POU2AF1: variants seen among roughly 807,000 people sequenced by gnomAD.
POU2AF1 encodes the protein POU class 2 homeobox associating factor 1, also known as POU domain class 2-associating factor 1.
POU2AF1 carries 12 observed loss-of-function variants against 26.3 expected under a neutral mutation model. The ratio of observed to expected loss-of-function variants is 0.46; its 90% CI spans 0.29 to 0.74. The LOEUF is 0.74. Among genes scored for constraint, POU2AF1 ranks in the 30% least tolerant of loss-of-function variants. The probability of loss-of-function intolerance (pLI) is 0.09; values close to 1 mark genes in which losing one functional copy is unlikely to be tolerated. For missense variants in POU2AF1, 297 were observed against 334.5 expected (o/e 0.89, Z 0.87); for synonymous variants, 175 against 148.0 (o/e 1.18, Z -1.32).
chr11:111,366,030 T>C (rs545585050), intron 1 of POU2AF1, among the ~76,000 whole-genome samples: 5 of 152,354 alleles, frequency 3.3e-5, no homozygotes, highest in African/African-American at 1.2e-4. Context: ...AGTCAAAGTT[T>C]TCAAATTTGT....
chr11:111,355,008 C>T (rs1860815670), intron 4 of POU2AF1, among the ~76,000 whole-genome samples: 1 of 152,226 alleles, frequency 6.6e-6, no homozygotes, highest in Admixed American at 6.5e-5. Context: ...AGCCTGGAAG[C>T]TGTATCTGGA....
Position 111,353,568 on chromosome 11 carries a change from G to A in POU2AF1, c.*693C>T, listed in dbSNP as rs1860778280. The A allele has an allele frequency of 8.6e-6, 2 of 233,408 alleles. No homozygotes were observed. The highest frequency in any genetic ancestry group is 1.2e-4 in the East Asian group (2 of 16,604). 14.5% of individuals were successfully genotyped at this position (233,408 alleles called of 1,614,324 possible). ...CCGAGGCTGAGAAGAGCAAACAAAGGAGCAACTGTGGGAACTGACAGCTCA... is the reference window on the plus strand; with the variant it reads ...CCGAGGCTGAGAAGAGCAAACAAAGAAGCAACTGTGGGAACTGACAGCTCA... On this transcript the variant is annotated 3_prime_UTR_variant, in exon 5 of 5. Transcript: ENST00000393067.
At chr11:111,375,016 T>A (rs1303133382) in intron 1 of POU2AF1, among the ~76,000 whole-genome samples, 1 of 152,220 alleles carries the variant, frequency 6.6e-6, no homozygotes, top group Non-Finnish European at 1.5e-5. Context: ...GTTTGCTAAA[T>A]CTCTGCTCTG....
intron 4 of POU2AF1, among the ~76,000 whole-genome samples, chr11:111,356,480 A>T (rs900258105): frequency 6.6e-6 from 1 of 152,216 alleles, no homozygotes; most frequent in South Asian, 2.1e-4. Context: ...AAGCACCACC[A>T]TCGAAGGTGG....
At chr11:111,359,019 G>C in intron 1 of POU2AF1, 101 bp from the exon 2 acceptor site, 1 of 1,493,842 alleles carries the variant, frequency 6.7e-7, no homozygotes, top group Non-Finnish European at 8.9e-7. Flanking sequence ...CCTAAGTCGT[G>C]CTTGAACACG....
Position 111,379,241 on chromosome 11 carries a change from C to G in POU2AF1, c.-64G>C. The G allele has an allele frequency of 1.9e-6, 3 of 1,606,306 alleles. No individual in the cohort carries two copies. Among genetic ancestry groups the G allele is most frequent in the South Asian group, 1.1e-5 (1 of 90,920 alleles). On this transcript the variant is annotated 5_prime_UTR_variant, in exon 1 of 5. Coordinates refer to ENST00000393067, the MANE Select transcript of POU2AF1 (RefSeq NM_006235.3). Reference sequence around the variant, plus strand: ...ACAGTTTGGCTTCTTTAATGTGAGACCGGGGTGTGTTTTCCTCCAGTGGAG... The same window carrying G: ...ACAGTTTGGCTTCTTTAATGTGAGAGCGGGGTGTGTTTTCCTCCAGTGGAG...
intron 4 of POU2AF1, among the ~76,000 whole-genome samples, chr11:111,355,255 C>G (rs887126217): frequency 6.6e-6 from 1 of 152,252 alleles, no homozygotes; most frequent in African/African-American, 2.4e-5. Context: ...CTGAGCTGAT[C>G]TCCATGGCCA....
chr11:111,371,146 G>A (rs1861202465), intron 1 of POU2AF1, among the ~76,000 whole-genome samples: 1 of 152,132 alleles, frequency 6.6e-6, no homozygotes, highest in Admixed American at 6.5e-5. Context: ...TATGCTTGCT[G>A]TCTTCCAATG....
At chr11:111,358,656 ACTCT>A in intron 2 of POU2AF1, 128 bp downstream of exon 2, 1 of 1,132,240 alleles carries the variant, frequency 8.8e-7, no homozygotes, top group Non-Finnish European at 1.3e-6. Context: ...ACTCTCACAC[ACTCT>A]ATCACACACA....
At chr11:111,368,562 AG>A (rs1294007717) in intron 1 of POU2AF1, among the ~76,000 whole-genome samples, 1 of 152,212 alleles carries the variant, frequency 6.6e-6, no homozygotes, top group Non-Finnish European at 1.5e-5. Context: ...CTTTTGTGCC[AG>A]GCTAGAGCTA....
At chr11:111,359,006 T>TC (rs1161586671) in intron 1 of POU2AF1, 88 bp from the exon 2 acceptor site, 2 of 1,516,314 alleles carry the variant, frequency 1.3e-6, no homozygotes, top group Admixed American at 2.1e-5. Context: ...ATCTGCCTGC[T>TC]CCCCTAAGTC....
intron 1 of POU2AF1, among the ~76,000 whole-genome samples, chr11:111,368,085 C>T (rs1861138863): frequency 6.6e-6 from 1 of 152,146 alleles, no homozygotes; most frequent in African/African-American, 2.4e-5. Flanking sequence ...TAGTGGGGTA[C>T]ACAGACTTTA....
intron 1 of POU2AF1, 53 bp downstream of exon 1, chr11:111,379,109 C>G: frequency 6.2e-7 from 1 of 1,612,300 alleles, no homozygotes; most frequent in Non-Finnish European, 8.5e-7. Context: ...GCTGTGATCG[C>G]CCTGCCCCGC....
chr11:111,378,720 A>G (rs2135145566), intron 1 of POU2AF1, among the ~76,000 whole-genome samples: 1 of 152,284 alleles, frequency 6.6e-6, no homozygotes, highest in East Asian at 1.9e-4. Context: ...TCAGCTAGAA[A>G]CAGGCCCAGG....
chr11:111,358,311 C>G (rs994887993), intron 2 of POU2AF1, among the ~76,000 whole-genome samples: 12 of 146,500 alleles, frequency 8.2e-5, no homozygotes, highest in Non-Finnish European at 4.5e-5. Context: ...CACACACTCT[C>G]TCACACACGT....
At chr11:111,372,044 AC>A (rs1861219981) in intron 1 of POU2AF1, among the ~76,000 whole-genome samples, 1 of 130,274 alleles carries the variant, frequency 7.7e-6, no homozygotes, top group Non-Finnish European at 1.7e-5. Flanking sequence ...ACACACACAC[AC>A]ACACACACAC....
intron 2 of POU2AF1, among the ~76,000 whole-genome samples, chr11:111,358,499 C>T (rs1452765126): frequency 7.6e-6 from 1 of 130,766 alleles, no homozygotes; most frequent in Non-Finnish European, 1.7e-5. Context: ...CATACACATT[C>T]TCTCTCACAC....
Position 111,354,140 on chromosome 11 carries a change from G to T in POU2AF1, c.*121C>A. On this transcript the variant is annotated 3_prime_UTR_variant, in exon 5 of 5. Transcript: ENST00000393067. ...GAAGGTTTACAGGTCTACAATTCTA[G>T]CTGTGCGTAGAAAGTGTAGTCATGA... 2 of 1,077,274 alleles carry T rather than the reference G, an allele frequency of 1.9e-6. No individual in the cohort carries two copies. The highest frequency in any genetic ancestry group is 2.7e-6 in the Non-Finnish European group (2 of 747,790). The allele number at this position is 1,077,274 out of a possible 1,614,324, so 66.7% of individuals were successfully genotyped here. A position where few individuals can be genotyped will look rare whatever the true frequency, so the allele number is the denominator to read the frequency against.
intron 1 of POU2AF1, among the ~76,000 whole-genome samples, chr11:111,378,379 C>T (rs2135144960): frequency 6.6e-6 from 1 of 152,280 alleles, no homozygotes; most frequent in Non-Finnish European, 1.5e-5. Flanking sequence ...CTCTCAGAAG[C>T]TGATGAGTTG....
Sources: allele counts gnomAD v4.1 joint callset (sites outside exome capture counted in the v4.1 genomes callset), GRCh38; gene constraint gnomAD v4.1.1; transcripts MANE v1.5; gene names NCBI Gene and HGNC (gene_info 2026-07-23, HGNC 2026-07-21).